The following ARHGEF16 variants were observed in gnomAD, a reference collection of about 807,000 sequenced individuals.
ARHGEF16 encodes the protein Rho guanine exchange factor (GEF) 16.
ARHGEF16 carries 59 observed loss-of-function variants against 74.1 expected under a neutral mutation model. The observed-to-expected ratio is 0.80, with a 90% confidence interval of 0.65 to 0.99. The LOEUF (loss-of-function observed/expected upper bound fraction) is 0.99, where lower values mean the gene tolerates loss of function less well. ARHGEF16 is among the 50% of genes least tolerant of loss of function. The pLI is 0.00. For synonymous variants in ARHGEF16, 415 were observed against 412.6 expected (o/e 1.01, Z -0.07); for missense variants, 948 against 986.6 (o/e 0.96, Z 0.52).
chr1:3,468,955 G>C lies in ARHGEF16; in HGVS notation c.861+19G>C. The C allele has an allele frequency of 6.5e-7, 1 of 1,549,380 alleles. No individual in the cohort carries two copies. The highest frequency in any genetic ancestry group is 8.7e-7 in the Non-Finnish European group (1 of 1,146,704). ...GCAGGAGGTAAAAGGGCCCTGGGCGGGAGGGCTGTCCCCCATGGCCTGGGC... is the reference window on the plus strand; with the variant it reads ...GCAGGAGGTAAAAGGGCCCTGGGCGCGAGGGCTGTCCCCCATGGCCTGGGC... On this transcript the variant is annotated intron_variant, in intron 5 of 14. Transcript: ENST00000378378.
rs557042486 is a variant in ARHGEF16, at chr1:3,477,740, G to A, written c.1474-135G>A. The A allele has an allele frequency of 7.2e-5, 57 of 787,188 alleles. No individual in the cohort carries two copies. In the Admixed American group the frequency reaches 1.3e-3, roughly 18 times the overall value. The allele number at this position is 787,188 out of a possible 1,614,324, so 48.8% of individuals were successfully genotyped here. A position where few individuals can be genotyped will look rare whatever the true frequency, so the allele number is the denominator to read the frequency against. ...CAGCCCCGACTGAGGGCAGCCAGCT[G>A]GTCACCCAGTCCAGAGGCAGGAGTC... On this transcript the variant is annotated intron_variant, in intron 10 of 14. Transcript: ENST00000378378.
intron 6 of ARHGEF16, chr1:3,471,649 G>A: frequency 8.2e-7 from 1 of 1,223,488 alleles, no homozygotes; most frequent in Non-Finnish European, 1.1e-6. Flanking sequence ...CTCTGCCTCA[G>A]GCAGCTGCAT....
chr1:3,472,696 A>T, intron 6 of ARHGEF16: 4 of 170,022 alleles, frequency 2.4e-5, no homozygotes, highest in East Asian at 1.7e-4. Context: ...CAGTCGTTTT[A>T]GCTGGAAGGA....
intron 9 of ARHGEF16, 55 bp downstream of exon 9, chr1:3,474,837 C>A: frequency 6.8e-7 from 1 of 1,478,786 alleles, no homozygotes. Flanking sequence ...GACCCTGTCC[C>A]CACCCAACCC....
chr1:3,475,892 C>G (rs1455119833), intron 9 of ARHGEF16, 78 bp from the exon 10 acceptor site: 2 of 1,428,956 alleles, frequency 1.4e-6, no homozygotes, highest in East Asian at 5.1e-5. Context: ...GGCAGGTGTC[C>G]TGGGCACACT....
At chr1:3,457,087 CA>C (rs1639281844) in intron 1 of ARHGEF16, among the ~76,000 whole-genome samples, 1 of 152,244 alleles carries the variant, frequency 6.6e-6, no homozygotes, top group East Asian at 1.9e-4. Context: ...CCCTGGGGGC[CA>C]AAACTGCCCC....
intron 1 of ARHGEF16, among the ~76,000 whole-genome samples, chr1:3,461,141 G>A (rs1187974275): frequency 6.6e-6 from 1 of 152,232 alleles, no homozygotes; most frequent in Non-Finnish European, 1.5e-5. Context: ...GGGTGTATAG[G>A]AGGCATACTG....
At chr1:3,466,590 G>A (rs888240908) in intron 3 of ARHGEF16, among the ~76,000 whole-genome samples, 2 of 152,202 alleles carry the variant, frequency 1.3e-5, no homozygotes, top group African/African-American at 4.8e-5. Flanking sequence ...CATGTGTTGG[G>A]GCCTCCAGCA....
intron 1 of ARHGEF16, among the ~76,000 whole-genome samples, chr1:3,458,103 G>A (rs1639306330): frequency 6.6e-6 from 1 of 152,216 alleles, no homozygotes. Context: ...AAGGTACTAG[G>A]AGACCAGGGC....
chr1:3,457,539 A>G (rs912884004), intron 1 of ARHGEF16, among the ~76,000 whole-genome samples: 10 of 152,240 alleles, frequency 6.6e-5, no homozygotes, highest in Non-Finnish European at 1.0e-4. Flanking sequence ...GCTGGCGCCC[A>G]CTAGACTCAC....
At chr1:3,479,411 C>CA (rs1639992547) in intron 12 of ARHGEF16, 106 bp from the exon 13 acceptor site, 1 of 31,876 alleles carries the variant, frequency 3.1e-5, no homozygotes. Flanking sequence ...CCCCCACCAC[C>CA]CCCATCTCCT....
intron 1 of ARHGEF16, among the ~76,000 whole-genome samples, chr1:3,459,256 G>A (rs1245763334): frequency 1.3e-5 from 2 of 152,172 alleles, no homozygotes; most frequent in Admixed American, 6.5e-5. Context: ...CAGCAGGTGC[G>A]CCAGACCCTC....
intron 10 of ARHGEF16, 118 bp from the exon 11 acceptor site, chr1:3,477,757 G>A (rs1435660957): frequency 2.2e-6 from 2 of 923,314 alleles, no homozygotes; most frequent in Non-Finnish European, 3.3e-6. Context: ...CAGTCCAGAG[G>A]CAGGAGTCAG....
In ARHGEF16 at chr1:3,478,027, G is replaced by C. The variant is rs755002667; in HGVS notation, c.1625+1G>C. The C allele has an allele frequency of 5.2e-5, 84 of 1,612,588 alleles. No homozygotes were observed. Among genetic ancestry groups the C allele is most frequent in the Non-Finnish European group, 6.9e-5 (81 of 1,179,902 alleles). ...TCCTGGTTGTGACCAAGAAGAAGAGGTGGCCTTAGGGCAGGAGGGTGTGGG... is the reference window on the plus strand; with the variant it reads ...TCCTGGTTGTGACCAAGAAGAAGAGCTGGCCTTAGGGCAGGAGGGTGTGGG... On this transcript the variant is annotated splice_donor_variant, in intron 11 of 14. Coordinates refer to ENST00000378378, the MANE Select transcript of ARHGEF16 (RefSeq NM_014448.4). LOFTEE classifies it high-confidence loss of function.
intron 6 of ARHGEF16, chr1:3,472,778 A>C: frequency 5.9e-6 from 2 of 337,052 alleles, no homozygotes; most frequent in African/African-American, 2.1e-5. Context: ...GCCTTTGGGG[A>C]CAGTCCCTGG....
chr1:3,480,338 G>A (rs1388860534), intron 14 of ARHGEF16, 110 bp from the exon 15 acceptor site: 1 of 1,462,762 alleles, frequency 6.8e-7, no homozygotes, highest in Non-Finnish European at 9.2e-7. Flanking sequence ...GGAGCAGGTG[G>A]TCAGTTCTAG....
Position 3,480,462 on chromosome 1 carries a change from G to T in ARHGEF16, c.2005G>T (p.Glu669Ter), listed in dbSNP as rs147222724. Residue 669 changes from glutamate (E) to a stop codon, truncating the protein, a stop_gained, in exon 15 of 15, where the codon GAG (glutamate) becomes TAG (stop). Coordinates refer to ENST00000378378, the MANE Select transcript of ARHGEF16 (RefSeq NM_014448.4). LOFTEE classifies it low-confidence loss of function (END_TRUNC). ...TCCGGGTTCAGGGTGGCTCTATGGC[G>T]AGAGGCTCCGGGACGGAGAGACGGG... ...LQQEDGWLYG[E>*]RLRDGETGWF... The T allele has an allele frequency of 6.2e-7, 1 of 1,612,576 alleles. No individual in the cohort carries two copies. The highest frequency in any genetic ancestry group is 1.1e-5 in the South Asian group (1 of 91,080).
In ARHGEF16 at chr1:3,467,180, A is replaced by C; in HGVS notation, c.647A>C (p.Tyr216Ser). The stretch of plus-strand genomic sequence containing the variant: ...CTTCTCTCTCTAGACCCCCAGCTCT[A>C]CCAGGAGATCCAGGAGCGGGGCCTG... ...KGSFKDDPQL[Y>S]QEIQERGLNT... The change falls in exon 4 of 15, where the codon TAC becomes TCC. Residue 216 changes from tyrosine to serine, a missense_variant. Transcript: ENST00000378378. The C allele has an allele frequency of 6.4e-7, 1 of 1,550,448 alleles. No individual in the cohort carries two copies. Among genetic ancestry groups the C allele is most frequent in the Non-Finnish European group, 8.7e-7 (1 of 1,146,728 alleles).
Position 3,479,918 on chromosome 1 carries a change from G to A in ARHGEF16, c.1990+5G>A, listed in dbSNP as rs547161842. Reference sequence around the variant, plus strand: ...TGGTTCTGCAGCAGGAGGATGGTGAGTGCAGGGGCGTTGGGCACAGATGGG... The same window carrying A: ...TGGTTCTGCAGCAGGAGGATGGTGAATGCAGGGGCGTTGGGCACAGATGGG... On this transcript the variant is annotated splice_donor_5th_base_variant and intron_variant, in intron 14 of 14. Coordinates refer to ENST00000378378, the MANE Select transcript of ARHGEF16 (RefSeq NM_014448.4). 4 of 1,611,934 alleles carry A rather than the reference G, an allele frequency of 2.5e-6. No homozygotes were observed. The South Asian group carries it at 3.3e-5, about 13-fold the overall frequency.
Sources: gnomAD v4.1 joint callset for allele counts (sites outside exome capture counted in the v4.1 genomes callset) on GRCh38, gnomAD v4.1.1 for gene constraint, MANE v1.5 for transcripts, NCBI Gene and HGNC (gene_info 2026-07-23, HGNC 2026-07-21) for gene names.